The following SENP7 variants were observed in gnomAD, a reference collection of about 807,000 sequenced individuals.
SENP7 encodes the protein SUMO specific peptidase 7.
In SENP7, 64 loss-of-function variants were observed where a neutral mutation model predicts 141.2. That is an observed-to-expected ratio of 0.45 (90% CI 0.37 to 0.56). The LOEUF (loss-of-function observed/expected upper bound fraction) is 0.56. Ranked by LOEUF, SENP7 falls within the 20% of genes least tolerant of loss-of-function variation. The pLI is 0.00. For synonymous variants in SENP7, 382 were observed against 426.4 expected (o/e 0.90, Z 1.28); for missense variants, 1,025 against 1,212.2 (o/e 0.85, Z 2.29).
chr3:101,406,134 CAT>C (rs942269263), intron 5 of SENP7, among the ~76,000 whole-genome samples: 2 of 152,154 alleles, frequency 1.3e-5, no homozygotes, highest in South Asian at 2.1e-4. Flanking sequence ...CATATGCACA[CAT>C]ATGTTTATTG....
At chr3:101,417,458 T>C (rs2061657740) in intron 5 of SENP7, 135 bp downstream of exon 5, 1 of 661,968 alleles carries the variant, frequency 1.5e-6, no homozygotes, top group Non-Finnish European at 2.6e-6. Flanking sequence ...AGCTTTAAGA[T>C]TTGCTTTAGA....
At chr3:101,462,945 C>T (rs1377702850) in intron 3 of SENP7, among the ~76,000 whole-genome samples, 1 of 151,896 alleles carries the variant, frequency 6.6e-6, no homozygotes, top group Admixed American at 6.6e-5. Flanking sequence ...TATTTCTGCT[C>T]ATCAAAAGAC....
chr3:101,435,651 G>GA (rs1055296000), intron 4 of SENP7, among the ~76,000 whole-genome samples: 2 of 150,900 alleles, frequency 1.3e-5, no homozygotes, highest in South Asian at 2.1e-4. Context: ...CAAAAAACAC[G>GA]AAAAAAAATT....
At chr3:101,368,789 T>C (rs1467295149) in intron 7 of SENP7, among the ~76,000 whole-genome samples, 2 of 152,154 alleles carry the variant, frequency 1.3e-5, no homozygotes, top group Middle Eastern at 3.2e-3. Context: ...GTCTTAAAGT[T>C]TGATAATTCA....
intron 4 of SENP7, among the ~76,000 whole-genome samples, chr3:101,447,982 A>G (rs902521719): frequency 6.6e-6 from 1 of 152,236 alleles, no homozygotes; most frequent in Non-Finnish European, 1.5e-5. Flanking sequence ...ACAATGGAAA[A>G]TAATGAAGAC....
intron 4 of SENP7, among the ~76,000 whole-genome samples, chr3:101,420,143 G>A (rs1052537053): frequency 2.6e-5 from 4 of 152,194 alleles, no homozygotes; most frequent in African/African-American, 9.6e-5. Flanking sequence ...CAAGGCAGGT[G>A]GATCACGAGG....
At chr3:101,362,462 G>T (rs1203645208) in intron 10 of SENP7, among the ~76,000 whole-genome samples, 3 of 152,106 alleles carry the variant, frequency 2.0e-5, no homozygotes, top group Non-Finnish European at 4.4e-5. Context: ...TCTTGCTACT[G>T]CACTTTAAAA....
chr3:101,380,708 T>C (rs1453981352), intron 6 of SENP7, among the ~76,000 whole-genome samples: 3 of 149,920 alleles, frequency 2.0e-5, no homozygotes, highest in Non-Finnish European at 4.4e-5. Context: ...AGAAAAATAG[T>C]AGTATAAAAT....
At chr3:101,439,954 G>T (rs1367767980) in intron 4 of SENP7, among the ~76,000 whole-genome samples, 96 of 68,268 alleles carry the variant, frequency 1.4e-3, no homozygotes, top group Admixed American at 2.6e-3. Context: ...AGGTGGGGGG[G>T]TCAGCCCTCC....
In SENP7 at chr3:101,436,727, A is replaced by G. The variant is rs552629755; in HGVS notation, c.285-18937T>C. On this transcript the variant is annotated intron_variant, in intron 4 of 23. Transcript: ENST00000394095. ...AAATGCAAATCAAAACTACAATGAG[A>G]TATCATCTCACCCCAGTTAAAATGG... Among the ~76,000 whole-genome samples the G allele has an allele frequency of 2.0e-5, 3 of 152,242 alleles. No individual in the cohort carries two copies. The South Asian group carries it at 6.2e-4, about 32-fold the overall frequency.
intron 6 of SENP7, among the ~76,000 whole-genome samples, chr3:101,390,629 G>A (rs1041238478): frequency 1.3e-5 from 2 of 152,096 alleles, no homozygotes; most frequent in Non-Finnish European, 2.9e-5. Flanking sequence ...TAAAAGAAGA[G>A]ACAGACTCCA....
intron 10 of SENP7, among the ~76,000 whole-genome samples, chr3:101,363,773 G>A (rs1433848319): frequency 6.6e-6 from 1 of 152,146 alleles, no homozygotes; most frequent in Non-Finnish European, 1.5e-5. Context: ...AGACCAAACT[G>A]TTTTCATAGA....
chr3:101,451,710 T>C (rs1359397694), intron 4 of SENP7, among the ~76,000 whole-genome samples: 3 of 152,114 alleles, frequency 2.0e-5, no homozygotes, highest in African/African-American at 7.2e-5. Flanking sequence ...ATGGGACGTA[T>C]CTCAAAATAA....
intron 1 of SENP7, among the ~76,000 whole-genome samples, chr3:101,502,451 C>T (rs984293749): frequency 1.3e-5 from 2 of 152,080 alleles, no homozygotes. Context: ...TACAGGTATG[C>T]GCCACCATGC....
chr3:101,433,584 A>G (rs1209047116), intron 4 of SENP7, among the ~76,000 whole-genome samples: 1 of 152,192 alleles, frequency 6.6e-6, no homozygotes, highest in Non-Finnish European at 1.5e-5. Context: ...AATGTACTCC[A>G]TTCCAATGAA....
chr3:101,388,822 A>G (rs1298666775), intron 6 of SENP7, among the ~76,000 whole-genome samples: 1 of 152,066 alleles, frequency 6.6e-6, no homozygotes, highest in Non-Finnish European at 1.5e-5. Context: ...AACTAAACAG[A>G]AATCCTGGAA....
chr3:101,324,557 T>A lies in SENP7; in HGVS notation c.*1386A>T, dbSNP rs889079201. ...ATTATAGCCATCTTTATATGAAATA[T>A]CCAAACAACAAATATATTTAATAAT... On this transcript the variant is annotated 3_prime_UTR_variant, in exon 24 of 24. Coordinates refer to ENST00000394095, the MANE Select transcript of SENP7 (RefSeq NM_020654.5). The A allele has an allele frequency of 6.6e-6, 1 of 151,980 alleles. No individual in the cohort carries two copies. Among genetic ancestry groups the A allele is most frequent in the African/African-American group, 2.4e-5 (1 of 41,408 alleles). The allele number at this position is 151,980 out of a possible 1,614,324, so 9.4% of individuals were successfully genotyped here.
chr3:101,409,075 C>A (rs528208833), intron 5 of SENP7, among the ~76,000 whole-genome samples: 1 of 152,284 alleles, frequency 6.6e-6, no homozygotes, highest in East Asian at 1.9e-4. Flanking sequence ...TAAAAGAATT[C>A]GGTAAAGTTT....
intron 3 of SENP7, among the ~76,000 whole-genome samples, chr3:101,482,951 G>A (rs767189646): frequency 5.3e-5 from 8 of 152,202 alleles, no homozygotes; most frequent in South Asian, 2.1e-4. Flanking sequence ...CAACAACAAC[G>A]AATGCTGGCA....
Sources: allele counts gnomAD v4.1 joint callset (sites outside exome capture counted in the v4.1 genomes callset), GRCh38; gene constraint gnomAD v4.1.1; transcripts MANE v1.5; gene names NCBI Gene and HGNC (gene_info 2026-07-23, HGNC 2026-07-21).